RPRD1B: variants seen among roughly 807,000 people sequenced by gnomAD.
The protein encoded by RPRD1B is regulation of nuclear pre-mRNA domain-containing protein 1B.
In RPRD1B, 11 loss-of-function variants were observed where a neutral mutation model predicts 41.5. The observed-to-expected ratio is 0.27, with a 90% CI of 0.17 to 0.44. The LOEUF is 0.44. RPRD1B is among the 20% of genes least tolerant of loss of function. The pLI is 1.00. For synonymous variants in RPRD1B, 158 were observed against 155.6 expected (o/e 1.02, Z -0.12); for missense variants, 248 against 389.9 (o/e 0.64, Z 3.06).
At chr20:38,087,311 G>A (rs1306727402) in intron 6 of RPRD1B, among the ~76,000 whole-genome samples, 1 of 152,194 alleles carries the variant, frequency 6.6e-6, no homozygotes, top group East Asian at 1.9e-4. Context: ...TGAACTTAAG[G>A]TGGTGTCTAA....
intron 2 of RPRD1B, among the ~76,000 whole-genome samples, chr20:38,042,052 GTTAA>G (rs1168717114): frequency 6.6e-6 from 1 of 152,190 alleles, no homozygotes; most frequent in African/African-American, 2.4e-5. Flanking sequence ...TGTTAAATGA[GTTAA>G]TTAATGTTAA....
chr20:38,073,677 T>A (rs543842182), intron 6 of RPRD1B, among the ~76,000 whole-genome samples: 6 of 152,190 alleles, frequency 3.9e-5, no homozygotes, highest in Non-Finnish European at 8.8e-5. Flanking sequence ...TTGTCAACTT[T>A]GGAGTAAATT....
chr20:38,089,879 G>A lies in RPRD1B; in HGVS notation c.*4G>A. 5.0e-6 allele frequency: 8 copies of A among 1,608,466 alleles called. No homozygotes were observed. The highest frequency in any genetic ancestry group is 6.8e-6 in the Non-Finnish European group (8 of 1,177,906). On this transcript the variant is annotated 3_prime_UTR_variant, in exon 7 of 7. Transcript: ENST00000373433. ...GGACCTGTTTTCAACTGACTAGGAT[G>A]GGTGTCATGTCCCAGATTTCTGTTT...
chr20:38,052,863 C>T (rs2074202154), intron 3 of RPRD1B, among the ~76,000 whole-genome samples: 1 of 148,994 alleles, frequency 6.7e-6, no homozygotes, highest in African/African-American at 2.5e-5. Flanking sequence ...GATTTGGGAA[C>T]CTGCAGGCCA....
chr20:38,087,890 C>G (rs572155085), intron 6 of RPRD1B, among the ~76,000 whole-genome samples: 35 of 152,282 alleles, frequency 2.3e-4, no homozygotes, highest in African/African-American at 8.2e-4. Flanking sequence ...GGCACATGTG[C>G]TGGGTGCCTA....
intron 6 of RPRD1B, 92 bp from the exon 7 acceptor site, chr20:38,089,634 C>A: frequency 9.7e-7 from 1 of 1,030,442 alleles, no homozygotes; most frequent in Non-Finnish European, 1.5e-6. Context: ...CAAGGAAGAA[C>A]ACGAGGACGA....
intron 3 of RPRD1B, among the ~76,000 whole-genome samples, chr20:38,051,000 C>G (rs961158076): frequency 4.6e-5 from 7 of 152,038 alleles, no homozygotes; most frequent in Non-Finnish European, 5.9e-5. Context: ...TTTTATATTC[C>G]AGCTTTGATT....
chr20:38,059,269 GT>G, intron 4 of RPRD1B, 124 bp from the exon 5 acceptor site: 25 of 1,033,562 alleles, frequency 2.4e-5, no homozygotes, highest in South Asian at 5.3e-5. Context: ...GCTAAGAACA[GT>G]TTTTTTTAAG....
rs192185038 is a variant in RPRD1B at position 38,076,615 on chromosome 20, A to G, written c.831+10359A>G. Among the ~76,000 whole-genome samples the G allele has an allele frequency of 3.5e-3, 526 of 152,240 alleles. 2 individuals carry two copies. Among genetic ancestry groups the G allele is most frequent in the African/African-American group, 0.012 (497 of 41,534 alleles). On this transcript the variant is annotated intron_variant, in intron 6 of 6. Transcript: ENST00000373433. ...CTGTTGCAGCTTGGCATGCATGTCT[A>G]CATTCCACCCAAGTGGCTGTCTTCA...
chr20:38,083,512 G>A (rs919396192), intron 6 of RPRD1B, among the ~76,000 whole-genome samples: 1 of 152,086 alleles, frequency 6.6e-6, no homozygotes, highest in Non-Finnish European at 1.5e-5. Flanking sequence ...TGAGATCAGG[G>A]GTTTTGTTGT....
chr20:38,070,711 A>G (rs6022797), intron 6 of RPRD1B: 178,652 of 980,448 alleles, frequency 0.18, 18,722 homozygotes, highest in African/African-American at 0.44. Flanking sequence ...AAGGTCAGGA[A>G]CCTGCAGTTT....
intron 5 of RPRD1B, 120 bp downstream of exon 5, chr20:38,059,640 C>G: frequency 5.2e-6 from 5 of 963,374 alleles, no homozygotes; most frequent in Non-Finnish European, 7.4e-6. Flanking sequence ...ATTGGTTGCT[C>G]TACCATCTTG....
intron 6 of RPRD1B, among the ~76,000 whole-genome samples, chr20:38,073,176 A>C (rs2074428054): frequency 2.6e-5 from 4 of 152,202 alleles, no homozygotes; most frequent in Admixed American, 2.6e-4. Flanking sequence ...AGTTCCCAAG[A>C]ATCTTGTTGT....
At chr20:38,051,158 C>G (rs1331160901) in intron 3 of RPRD1B, among the ~76,000 whole-genome samples, 1 of 152,168 alleles carries the variant, frequency 6.6e-6, no homozygotes, top group Non-Finnish European at 1.5e-5. Context: ...GTTTATAAAC[C>G]TGTCTCTCAA....
intron 1 of RPRD1B, among the ~76,000 whole-genome samples, chr20:38,037,858 T>G (rs897269928): frequency 1.4e-4 from 20 of 143,734 alleles, no homozygotes; most frequent in African/African-American, 1.6e-4. Context: ...GGATTCTAGG[T>G]TTTTTTTTTT....
At chr20:38,076,905 C>CTTTTTTTT (rs1568660539) in intron 6 of RPRD1B, among the ~76,000 whole-genome samples, 9 of 95,194 alleles carry the variant, frequency 9.5e-5, no homozygotes, top group African/African-American at 3.7e-4. Context: ...TCATTCTGGA[C>CTTTTTTTT]CTTTTTTTTT....
At chr20:38,066,846 G>C (rs769250544) in intron 6 of RPRD1B, among the ~76,000 whole-genome samples, 1 of 151,978 alleles carries the variant, frequency 6.6e-6, no homozygotes, top group Non-Finnish European at 1.5e-5. Context: ...TAGTAGGGAC[G>C]GGGTTTCACC....
At chr20:38,051,222 A>G (rs2074181826) in intron 3 of RPRD1B, among the ~76,000 whole-genome samples, 1 of 152,240 alleles carries the variant, frequency 6.6e-6, no homozygotes, top group Non-Finnish European at 1.5e-5. Flanking sequence ...AAATATATAC[A>G]ATTATTATTT....
intron 1 of RPRD1B, among the ~76,000 whole-genome samples, chr20:38,039,331 G>T (rs2074038671): frequency 6.6e-6 from 1 of 152,080 alleles, no homozygotes; most frequent in African/African-American, 2.4e-5. Flanking sequence ...TGCACCTAGA[G>T]ATTCTTCTAT....
Sources: gnomAD v4.1 joint callset for allele counts (sites outside exome capture counted in the v4.1 genomes callset) on GRCh38, gnomAD v4.1.1 for gene constraint, MANE v1.5 for transcripts, NCBI Gene and HGNC (gene_info 2026-07-23, HGNC 2026-07-21) for gene names.